Variants in WNT3A observed in about 807,000 individuals in gnomAD.
WNT3A encodes the protein Wnt family member 3A, also known as protein Wnt-3a.
WNT3A carries 17 observed loss-of-function variants against 37.0 expected under a neutral mutation model. The ratio of observed to expected loss-of-function variants is 0.46; its 90% confidence interval spans 0.31 to 0.69. The LOEUF is 0.69. WNT3A is among the 30% of genes least tolerant of loss of function. WNT3A has a pLI of 0.05. For missense variants in WNT3A, 411 were observed against 510.2 expected, an observed-to-expected ratio of 0.81 and a Z score of 1.87; for synonymous variants, 187 against 211.0, an observed-to-expected ratio of 0.89 and a Z score of 0.99.
At chr1:228,026,106 TAG>T (rs1165300063) in intron 2 of WNT3A, among the ~76,000 whole-genome samples, 2 of 149,348 alleles carry the variant, frequency 1.3e-5, no homozygotes, top group African/African-American at 2.5e-5. Context: ...TGTTAATATA[TAG>T]AAATTTAACT....
At chr1:228,044,875 G>A (rs369254026) in intron 2 of WNT3A, among the ~76,000 whole-genome samples, 2 of 152,202 alleles carry the variant, frequency 1.3e-5, no homozygotes, top group African/African-American at 2.4e-5. Context: ...CTTCAGCCTC[G>A]GATGGGGGTG....
chr1:228,009,421 C>G (rs1027022068), intron 1 of WNT3A, among the ~76,000 whole-genome samples: 4 of 152,312 alleles, frequency 2.6e-5, no homozygotes, highest in African/African-American at 7.2e-5. Context: ...GGAAGATTCT[C>G]TCTCTTTCTC....
chr1:228,051,082 G>T (rs2031544709), intron 3 of WNT3A, among the ~76,000 whole-genome samples, 161 bp downstream of exon 3: 1 of 152,190 alleles, frequency 6.6e-6, no homozygotes, highest in Admixed American at 6.5e-5. Flanking sequence ...GCACCATCCA[G>T]CTACACCACA....
In WNT3A at chr1:228,040,991, AT is replaced by A. The variant is rs1354531714; in HGVS notation, c.314-9664del. 5.8e-3 allele frequency among the ~76,000 whole-genome samples: 847 copies of A among 145,236 alleles called. 5 individuals are homozygous for A. Among genetic ancestry groups the A allele is most frequent in the African/African-American group, 0.02 (782 of 39,164 alleles). ...ATATTTTATATATATATATATATAT[AT>A]ATAATATCTACTACATATCTATATC... On this transcript the variant is annotated intron_variant, in intron 2 of 3. Coordinates refer to ENST00000284523, the MANE Select transcript of WNT3A (RefSeq NM_033131.4).
Position 228,039,403 on chromosome 1 carries a change from G to A in WNT3A, c.314-11253G>A, listed in dbSNP as rs546499355. Among the ~76,000 whole-genome samples, 2 of 152,266 alleles carry A rather than the reference G, an allele frequency of 1.3e-5. No homozygotes were observed. Among genetic ancestry groups the A allele is most frequent in the South Asian group, 4.1e-4 (2 of 4,820 alleles). On this transcript the variant is annotated intron_variant, in intron 2 of 3. Transcript: ENST00000284523. The surrounding 1 kb of genome is among the most constrained non-coding windows in gnomAD (Gnocchi z 4.1). ...GGTACCCACCTCCAGGAAGAGGCCA[G>A]GCCAGAGACCCAATGACCACTGTCT...
In WNT3A at chr1:228,022,773, G is replaced by A. The variant is rs199976080; in HGVS notation, c.178G>A (p.Val60Met). The part of the protein sequence containing the change: ...PKQLRFCRNY[V>M]EIMPSVAEGI... The stretch of plus-strand genomic sequence containing the variant: ...GCAGCTCCGCTTCTGCAGGAACTAC[G>A]TGGAGATCATGCCCAGCGTGGCCGA... The change falls in exon 2 of 4, where the codon GTG becomes ATG. Residue 60 changes from valine to methionine, a missense_variant. Physicochemically the swap from Val to Met is conservative, Grantham distance 21. Coordinates refer to ENST00000284523, the MANE Select transcript of WNT3A (RefSeq NM_033131.4). 42 of 1,614,168 alleles carry A rather than the reference G, an allele frequency of 2.6e-5. No homozygotes were observed. The highest frequency in any genetic ancestry group is 1.6e-4 in the Middle Eastern group (1 of 6,062).
Position 228,039,035 on chromosome 1 carries a change from C to A in WNT3A, c.314-11621C>A, listed in dbSNP as rs2031212000. On this transcript the variant is annotated intron_variant, in intron 2 of 3. Transcript: ENST00000284523. The surrounding 1 kb of genome is among the most constrained non-coding windows in gnomAD (Gnocchi z 4.1). ...GGGAGTCTGGGCCCCCAGCACCCGG[C>A]TGGACTGGCCACCATGGAGTCCTGC... Among the ~76,000 whole-genome samples, 1 of 152,170 alleles carries A rather than the reference C, an allele frequency of 6.6e-6. No homozygotes were observed. The highest frequency in any genetic ancestry group is 1.5e-5 in the Non-Finnish European group (1 of 68,016).
In WNT3A at chr1:228,059,332, T is replaced by C; in HGVS notation, c.926T>C (p.Leu309Pro). The change falls in exon 4 of 4, where the codon CTG (leucine) becomes CCG (proline). Residue 309 changes from leucine to proline, a missense_variant. Leu to Pro is a moderately conservative substitution (Grantham distance 98). Transcript: ENST00000284523. ...VSSHGIDGCD[L>P]LCCGRGHNAR... The stretch of plus-strand genomic sequence containing the variant: ...TCGCACGGCATCGACGGCTGCGACC[T>C]GCTGTGCTGCGGCCGCGGCCACAAC... 1 of 1,570,090 alleles carries C rather than the reference T, an allele frequency of 6.4e-7. No individual in the cohort carries two copies. The highest frequency in any genetic ancestry group is 8.6e-7 in the Non-Finnish European group (1 of 1,162,668).
intron 3 of WNT3A, among the ~76,000 whole-genome samples, chr1:228,055,114 G>GT (rs780765818): frequency 4.8e-4 from 52 of 107,264 alleles, no homozygotes; most frequent in East Asian, 1.2e-3. Flanking sequence ...AGCCTGGGCA[G>GT]TTTTTTTTTT....
intron 2 of WNT3A, among the ~76,000 whole-genome samples, chr1:228,048,058 A>G (rs936771508): frequency 2.0e-5 from 3 of 152,162 alleles, no homozygotes; most frequent in Non-Finnish European, 2.9e-5. Flanking sequence ...ACAGCCCCCT[A>G]TGATGACTCT....
intron 3 of WNT3A, among the ~76,000 whole-genome samples, chr1:228,055,540 G>A (rs916221208): frequency 3.9e-5 from 6 of 151,972 alleles, no homozygotes; most frequent in African/African-American, 1.2e-4. Flanking sequence ...TAGATAGATG[G>A]ATGAATAGAT....
intron 2 of WNT3A, among the ~76,000 whole-genome samples, chr1:228,024,129 G>A (rs1157898216): frequency 6.6e-6 from 1 of 152,198 alleles, no homozygotes; most frequent in African/African-American, 2.4e-5. Flanking sequence ...TTTGAACGCC[G>A]TTTTCACACC....
At chr1:228,019,233 C>T (rs3094914) in intron 1 of WNT3A, among the ~76,000 whole-genome samples, 67,754 of 152,056 alleles carry the variant, frequency 0.45, 16,658 homozygotes, top group Middle Eastern at 0.61. Context: ...CTCCCAGCCC[C>T]GAGCCTGCGA....
chr1:228,035,650 G>A (rs2031119346), intron 2 of WNT3A, among the ~76,000 whole-genome samples: 1 of 152,210 alleles, frequency 6.6e-6, no homozygotes, highest in African/African-American at 2.4e-5. Flanking sequence ...AATGCCGCAG[G>A]CTCTCCAGGG....
rs115056883 is a variant in WNT3A, at chr1:228,042,525, G to A, written c.314-8131G>A. ...TGGACAGATGATGGGCAACAGATAGGTGATGAATGTACAGATGATGAAGGG... is the reference window on the plus strand; with the variant it reads ...TGGACAGATGATGGGCAACAGATAGATGATGAATGTACAGATGATGAAGGG... On this transcript the variant is annotated intron_variant, in intron 2 of 3. Transcript: ENST00000284523. The surrounding 1 kb of genome is among the most constrained non-coding windows in gnomAD (Gnocchi z 5.2). 8.3e-3 allele frequency among the ~76,000 whole-genome samples: 1,266 copies of A among 152,098 alleles called. 19 individuals carry two copies. The highest frequency in any genetic ancestry group is 0.029 in the African/African-American group (1,188 of 41,490).
intron 2 of WNT3A, among the ~76,000 whole-genome samples, chr1:228,024,757 A>G (rs2030812224): frequency 6.6e-6 from 1 of 152,176 alleles, no homozygotes; most frequent in South Asian, 2.1e-4. Context: ...TCTTCAAAAA[A>G]CCTAATAGTT....
intron 1 of WNT3A, among the ~76,000 whole-genome samples, chr1:228,015,231 G>T (rs981744131): frequency 2.0e-5 from 3 of 152,194 alleles, no homozygotes; most frequent in African/African-American, 7.2e-5. Flanking sequence ...CTGGTACTGC[G>T]ATCTGCTAGC....
chr1:228,025,906 C>G (rs2102766739), intron 2 of WNT3A, among the ~76,000 whole-genome samples: 1 of 150,690 alleles, frequency 6.6e-6, no homozygotes, highest in Middle Eastern at 3.4e-3. Flanking sequence ...AGTAGCCAAG[C>G]TTGGCTAATT....
intron 2 of WNT3A, among the ~76,000 whole-genome samples, chr1:228,049,936 C>A (rs547637417): frequency 1.3e-5 from 2 of 152,066 alleles, no homozygotes; most frequent in South Asian, 4.2e-4. Flanking sequence ...CACCACTGCA[C>A]CTTGCTAATT....
Sources: gnomAD v4.1 joint callset for allele counts (sites outside exome capture counted in the v4.1 genomes callset) on GRCh38, gnomAD v4.1.1 for gene constraint, Gnocchi (gnomAD v3.1) non-coding constraint, MANE v1.5 for transcripts, NCBI Gene and HGNC (gene_info 2026-07-23, HGNC 2026-07-21) for gene names.